The following CREBRF variants were observed in gnomAD, a reference collection of about 807,000 sequenced individuals.
The protein encoded by CREBRF is CREB3 regulatory factor, also known as UPF0474 protein C5orf41.
In CREBRF, 5 loss-of-function variants were observed where a neutral mutation model predicts 66.1. The observed-to-expected ratio is 0.08, with a 90% CI of 0.04 to 0.16. CREBRF has a LOEUF of 0.16. Among genes scored for constraint, CREBRF ranks in the 10% least tolerant of loss-of-function variants. The probability of loss-of-function intolerance (pLI) is 1.00; values close to 1 mark genes in which losing one functional copy is unlikely to be tolerated. For synonymous variants in CREBRF, 229 were observed against 264.4 expected, an observed-to-expected ratio of 0.87 and a Z score of 1.30; for missense variants, 531 against 744.9, an observed-to-expected ratio of 0.71 and a Z score of 3.34.
intron 7 of CREBRF, among the ~76,000 whole-genome samples, chr5:173,116,589 T>C (rs1029720390): frequency 2.0e-5 from 3 of 152,256 alleles, no homozygotes; most frequent in Admixed American, 2.0e-4. Context: ...TAACTAGTAT[T>C]CCATTGTATG....
chr5:173,092,923 A>G (rs73331183), intron 4 of CREBRF, among the ~76,000 whole-genome samples: 3,039 of 152,298 alleles, frequency 0.02, 94 homozygotes, highest in African/African-American at 0.068. Flanking sequence ...AGGTAGAATA[A>G]TGTCTTTTTA....
chr5:173,083,547 C>A (rs1208704217), intron 2 of CREBRF, among the ~76,000 whole-genome samples: 1 of 152,120 alleles, frequency 6.6e-6, no homozygotes, highest in Non-Finnish European at 1.5e-5. Context: ...TTAGTTGATT[C>A]TGTTTCCATT....
At chr5:173,121,098 T>C (rs1171623376) in intron 7 of CREBRF, among the ~76,000 whole-genome samples, 3 of 152,238 alleles carry the variant, frequency 2.0e-5, no homozygotes, top group African/African-American at 4.8e-5. Flanking sequence ...ATCCTTTTAA[T>C]ATCTGTAGAT....
At chr5:173,085,571 C>A (rs1318984297) in intron 2 of CREBRF, among the ~76,000 whole-genome samples, 1 of 152,092 alleles carries the variant, frequency 6.6e-6, no homozygotes, top group Non-Finnish European at 1.5e-5. Flanking sequence ...TGCCTGCCAG[C>A]ACGCCCGGCT....
At chr5:173,057,872 GTCT>G (rs369393862) in intron 1 of CREBRF, among the ~76,000 whole-genome samples, 18 of 149,392 alleles carry the variant, frequency 1.2e-4, no homozygotes, top group African/African-American at 4.0e-4. Context: ...GCTTGTCCTA[GTCT>G]TAGTAGTAAT....
At chr5:173,095,560 C>A (rs1313531433) in intron 4 of CREBRF, among the ~76,000 whole-genome samples, 1 of 151,914 alleles carries the variant, frequency 6.6e-6, no homozygotes, top group Non-Finnish European at 1.5e-5. Context: ...TTTTTCTTAC[C>A]CAAGATAGCT....
chr5:173,118,729 C>CTT (rs765280974), intron 7 of CREBRF, among the ~76,000 whole-genome samples: 4 of 137,188 alleles, frequency 2.9e-5, no homozygotes, highest in Admixed American at 7.4e-5. Flanking sequence ...GGATACAAAA[C>CTT]TTTTTTTTTT....
intron 5 of CREBRF, 54 bp downstream of exon 5, chr5:173,108,872 C>CA: frequency 6.6e-7 from 1 of 1,523,102 alleles, no homozygotes; most frequent in Non-Finnish European, 9.0e-7. Context: ...AGTTGAGCTA[C>CA]TAATCCATAA....
At chr5:173,086,864 C>T (rs988268763) in intron 3 of CREBRF, among the ~76,000 whole-genome samples, 2 of 151,686 alleles carry the variant, frequency 1.3e-5, no homozygotes, top group Non-Finnish European at 2.9e-5. Flanking sequence ...GCAATCTCCA[C>T]CTCCCAGGTT....
At chr5:173,110,405 C>G (rs1758844329) in intron 5 of CREBRF, 117 bp from the exon 6 acceptor site, 1 of 782,052 alleles carries the variant, frequency 1.3e-6, no homozygotes, top group East Asian at 2.5e-5. Flanking sequence ...CTGAAACATG[C>G]CAAGACTTCT....
intron 7 of CREBRF, among the ~76,000 whole-genome samples, chr5:173,114,903 T>C (rs1342187101): frequency 6.6e-6 from 1 of 152,214 alleles, no homozygotes; most frequent in Non-Finnish European, 1.5e-5. Flanking sequence ...GAGGAGGATC[T>C]GTTTATGAGT....
chr5:173,073,926 C>T (rs1331369824), intron 1 of CREBRF, among the ~76,000 whole-genome samples: 4 of 152,066 alleles, frequency 2.6e-5, no homozygotes, highest in African/African-American at 7.2e-5. Context: ...GAGATTGCGC[C>T]ACTGCGCTCC....
intron 7 of CREBRF, among the ~76,000 whole-genome samples, chr5:173,120,734 C>T (rs1326482197): frequency 8.5e-6 from 1 of 117,446 alleles, no homozygotes; most frequent in Non-Finnish European, 1.6e-5. Context: ...TTGCTTGTTG[C>T]CCAGGCTGGA....
intron 2 of CREBRF, among the ~76,000 whole-genome samples, chr5:173,082,940 A>C (rs1303700065): frequency 1.0e-4 from 13 of 126,878 alleles, no homozygotes; most frequent in South Asian, 2.4e-4. Flanking sequence ...AAAAAAAAAA[A>C]AAAAAACCGG....
intron 4 of CREBRF, among the ~76,000 whole-genome samples, chr5:173,096,248 C>A (rs980594084): frequency 6.6e-6 from 1 of 152,106 alleles, no homozygotes; most frequent in Non-Finnish European, 1.5e-5. Flanking sequence ...GGATTACAGG[C>A]GTGAGCCACT....
Position 173,070,250 on chromosome 5 carries a change from G to A in CREBRF, c.-191-10335G>A, listed in dbSNP as rs540595565. ...CCTTGCTAACAACAGCATCAAAGTT[G>A]TTACAGTGTGTGAAGAATGTGTGGT... On this transcript the variant is annotated intron_variant, in intron 1 of 8. Coordinates refer to ENST00000296953, the MANE Select transcript of CREBRF (RefSeq NM_153607.3). Among the ~76,000 whole-genome samples, 6 of 152,206 alleles carry A rather than the reference G, an allele frequency of 3.9e-5. No individual in the cohort carries two copies. In the South Asian group the frequency reaches 1.3e-3, roughly 32 times the overall value.
At chr5:173,064,987 G>A (rs1757390857) in intron 1 of CREBRF, among the ~76,000 whole-genome samples, 2 of 152,288 alleles carry the variant, frequency 1.3e-5, no homozygotes, top group South Asian at 2.1e-4. Flanking sequence ...GGGGTTACAG[G>A]TGTGAGCCAC....
At chr5:173,101,152 C>G (rs1234359129) in intron 4 of CREBRF, among the ~76,000 whole-genome samples, 1 of 152,044 alleles carries the variant, frequency 6.6e-6, no homozygotes. Flanking sequence ...CCCTCAATCT[C>G]CTGGGCTCAA....
At chr5:173,103,109 T>A (rs973122113) in intron 4 of CREBRF, among the ~76,000 whole-genome samples, 3 of 152,216 alleles carry the variant, frequency 2.0e-5, no homozygotes, top group African/African-American at 7.2e-5. Flanking sequence ...GAAGCCTTAT[T>A]TATTAGCATG....
Sources: allele counts gnomAD v4.1 joint callset (sites outside exome capture counted in the v4.1 genomes callset), GRCh38; gene constraint gnomAD v4.1.1; transcripts MANE v1.5; gene names NCBI Gene and HGNC (gene_info 2026-07-23, HGNC 2026-07-21).